The following KAZN variants were observed in gnomAD, a reference collection of about 807,000 sequenced individuals.
KAZN encodes kazrin.
Under a neutral mutation model 87.4 loss-of-function variants are expected in KAZN, and 40 were observed. The ratio of observed to expected loss-of-function variants is 0.46; its 90% confidence interval spans 0.36 to 0.60. The LOEUF is 0.60. Ranked by LOEUF, KAZN falls within the 20% of genes least tolerant of loss-of-function variation. KAZN has a pLI of 0.00. For missense variants in KAZN, 898 were observed against 1,073.9 expected (o/e 0.84, Z 2.29); for synonymous variants, 466 against 458.3 (o/e 1.02, Z -0.22).
chr1:13,922,720 C>T (rs1640113336), intron 1 of KAZN, among the ~76,000 whole-genome samples: 1 of 152,134 alleles, frequency 6.6e-6, no homozygotes, highest in Non-Finnish European at 1.5e-5. Flanking sequence ...GCTCTTGGGA[C>T]CAATCAGGGC....
At chr1:14,546,281 C>T (rs1266154795) in intron 2 of KAZN, among the ~76,000 whole-genome samples, 1 of 152,146 alleles carries the variant, frequency 6.6e-6, no homozygotes, top group Non-Finnish European at 1.5e-5. Context: ...ACATTTCAGT[C>T]GGGTTGTATG....
At chr1:15,073,769 G>A (rs896786738) in intron 8 of KAZN, among the ~76,000 whole-genome samples, 1 of 152,210 alleles carries the variant, frequency 6.6e-6, no homozygotes, top group African/African-American at 2.4e-5. Flanking sequence ...CTCCTGACCT[G>A]TGTCTGACTG....
intron 1 of KAZN, among the ~76,000 whole-genome samples, chr1:14,910,065 G>T (rs114344247): frequency 4.5e-4 from 39 of 86,606 alleles, no homozygotes; most frequent in South Asian, 1.1e-3. Context: ...AATAAATAAT[G>T]AATGAATGAA....
intron 1 of KAZN, among the ~76,000 whole-genome samples, chr1:14,920,365 G>A (rs116131923): frequency 7.1e-6 from 1 of 141,668 alleles, no homozygotes; most frequent in Non-Finnish European, 1.5e-5. Flanking sequence ...CCCAGAACCA[G>A]AGCAGCCTCC....
At chr1:14,448,803 C>G (rs1354278202) in intron 2 of KAZN, among the ~76,000 whole-genome samples, 6 of 152,222 alleles carry the variant, frequency 3.9e-5, no homozygotes, top group African/African-American at 1.4e-4. Context: ...CTCTCCAGCC[C>G]TGCACAGGCA....
intron 2 of KAZN, among the ~76,000 whole-genome samples, chr1:14,552,826 C>T (rs1673624603): frequency 6.6e-6 from 1 of 152,148 alleles, no homozygotes; most frequent in African/African-American, 2.4e-5. Flanking sequence ...TTAGTGCTCA[C>T]CAGGGGTCAT....
chr1:14,787,989 G>A (rs992621204), intron 1 of KAZN, among the ~76,000 whole-genome samples: 5 of 152,188 alleles, frequency 3.3e-5, no homozygotes, highest in African/African-American at 4.8e-5. Context: ...GGTGAGAGCC[G>A]CTGCACAGGA....
chr1:14,909,880 C>G (rs1657051674), intron 1 of KAZN, among the ~76,000 whole-genome samples: 1 of 152,068 alleles, frequency 6.6e-6, no homozygotes, highest in East Asian at 1.9e-4. Flanking sequence ...TGGCGAAACC[C>G]CATCTCTACT....
At chr1:14,379,203 A>G (rs973643626) in intron 2 of KAZN, among the ~76,000 whole-genome samples, 1 of 151,442 alleles carries the variant, frequency 6.6e-6, no homozygotes, top group Admixed American at 6.6e-5. Context: ...CCTGCTGACT[A>G]AAGAGTCCTT....
At chr1:14,741,878 T>C (rs1220314512) in intron 1 of KAZN, among the ~76,000 whole-genome samples, 1 of 152,238 alleles carries the variant, frequency 6.6e-6, no homozygotes, top group Non-Finnish European at 1.5e-5. Context: ...ACCTTGATGT[T>C]TGAGCCAGAA....
chr1:13,958,228 A>T (rs953769997), intron 1 of KAZN, among the ~76,000 whole-genome samples: 5 of 152,186 alleles, frequency 3.3e-5, no homozygotes, highest in African/African-American at 1.2e-4. Context: ...TCAATTGCTA[A>T]TTTTTAAAAA....
intron 2 of KAZN, among the ~76,000 whole-genome samples, chr1:14,262,743 T>G (rs1032307002): frequency 1.3e-5 from 2 of 152,198 alleles, no homozygotes; most frequent in African/African-American, 4.8e-5. Context: ...GAGAGCCATT[T>G]CTCCAGCTAT....
At chr1:14,077,658 A>C (rs1393882999) in intron 1 of KAZN, among the ~76,000 whole-genome samples, 3 of 152,218 alleles carry the variant, frequency 2.0e-5, no homozygotes, top group Admixed American at 1.3e-4. Flanking sequence ...TTATGGGTTG[A>C]ATTGTGTTTC....
intron 1 of KAZN, among the ~76,000 whole-genome samples, chr1:13,985,979 A>G (rs1339887780): frequency 2.0e-5 from 3 of 152,246 alleles, no homozygotes; most frequent in East Asian, 1.9e-4. Flanking sequence ...ATAGTGCTAT[A>G]ACAAGTTTTT....
chr1:14,345,611 T>C (rs968866869), intron 2 of KAZN, among the ~76,000 whole-genome samples: 12 of 152,202 alleles, frequency 7.9e-5, no homozygotes, highest in African/African-American at 2.7e-4. Context: ...ACCAGCCCCA[T>C]TTCAAGGGCT....
chr1:14,614,609 C>T (rs903122246), intron 1 of KAZN, among the ~76,000 whole-genome samples: 7 of 152,308 alleles, frequency 4.6e-5, no homozygotes, highest in South Asian at 2.1e-4. Context: ...AAAATACATG[C>T]GCAAAACCAA....
intron 2 of KAZN, among the ~76,000 whole-genome samples, chr1:14,271,844 A>G (rs943793093): frequency 1.3e-5 from 2 of 152,224 alleles, no homozygotes; most frequent in African/African-American, 4.8e-5. Flanking sequence ...ATTACAGAAG[A>G]GATTTCCTAG....
chr1:14,411,109 T>G (rs1476216580), intron 2 of KAZN, among the ~76,000 whole-genome samples: 3 of 152,174 alleles, frequency 2.0e-5, no homozygotes, highest in Non-Finnish European at 4.4e-5. Context: ...AACGGGAGAA[T>G]GCCAAATACA....
At chr1:14,890,615 T>C (rs1289336119) in intron 1 of KAZN, among the ~76,000 whole-genome samples, 1 of 152,230 alleles carries the variant, frequency 6.6e-6, no homozygotes, top group Non-Finnish European at 1.5e-5. Flanking sequence ...CAGAGTCCTC[T>C]TGTGGGCTTT....
Sources: gnomAD v4.1 joint callset for allele counts (sites outside exome capture counted in the v4.1 genomes callset) on GRCh38, gnomAD v4.1.1 for gene constraint, MANE v1.5 for transcripts, NCBI Gene and HGNC (gene_info 2026-07-23, HGNC 2026-07-21) for gene names.